The following CSMD1 variants were observed in gnomAD, a reference collection of about 807,000 sequenced individuals.
CSMD1 encodes the protein CUB and sushi domain-containing protein 1.
Under a neutral mutation model 417.5 loss-of-function variants are expected in CSMD1, and 213 were observed. The ratio of observed to expected loss-of-function variants is 0.51; its 90% CI spans 0.46 to 0.57. The LOEUF is 0.57. CSMD1 is among the 20% of genes least tolerant of loss of function. CSMD1 has a pLI of 0.00. For synonymous variants in CSMD1, 2,862 were observed against 1,736.8 expected, an observed-to-expected ratio of 1.65 and a Z score of -16.11; for missense variants, 6,923 against 4,529.7, an observed-to-expected ratio of 1.53 and a Z score of -15.17.
At chr8:4,918,518 C>T (rs1191291543) in intron 1 of CSMD1, among the ~76,000 whole-genome samples, 2 of 151,544 alleles carry the variant, frequency 1.3e-5, no homozygotes, top group Admixed American at 6.6e-5. Flanking sequence ...AGAAAAAGGA[C>T]AGGGATATAA....
intron 12 of CSMD1, among the ~76,000 whole-genome samples, chr8:3,455,906 G>T (rs1015307416): frequency 6.6e-6 from 1 of 152,228 alleles, no homozygotes; most frequent in Non-Finnish European, 1.5e-5. Context: ...CCTGCCCCCA[G>T]AGGTGGAGTC....
intron 62 of CSMD1, among the ~76,000 whole-genome samples, chr8:2,960,201 A>G (rs1181893352): frequency 6.6e-6 from 1 of 152,208 alleles, no homozygotes; most frequent in East Asian, 1.9e-4. Context: ...TATATACCTG[A>G]AAGTATTTAC....
intron 25 of CSMD1, among the ~76,000 whole-genome samples, chr8:3,287,321 T>A (rs1476126312): frequency 1.3e-5 from 2 of 152,110 alleles, no homozygotes; most frequent in Non-Finnish European, 2.9e-5. Flanking sequence ...TAAAGTAGTT[T>A]TTTCTAATTC....
intron 2 of CSMD1, among the ~76,000 whole-genome samples, chr8:4,482,570 C>A (rs867785958): frequency 6.6e-6 from 1 of 152,286 alleles, no homozygotes; most frequent in Middle Eastern, 3.4e-3. Flanking sequence ...GTGCACGTGT[C>A]TTTGTGGTAG....
intron 3 of CSMD1, among the ~76,000 whole-genome samples, chr8:4,351,393 T>C (rs943057038): frequency 6.6e-6 from 1 of 152,236 alleles, no homozygotes; most frequent in Non-Finnish European, 1.5e-5. Context: ...TCTCGTCTCA[T>C]AGCCCATGCT....
chr8:4,120,257 G>C (rs1002917628), intron 3 of CSMD1, among the ~76,000 whole-genome samples: 6 of 151,664 alleles, frequency 4.0e-5, no homozygotes, highest in Admixed American at 1.3e-4. Flanking sequence ...GCATAAAAAG[G>C]ATTTGGGGTA....
chr8:3,062,541 A>C (rs938672530), intron 49 of CSMD1, among the ~76,000 whole-genome samples: 1 of 146,546 alleles, frequency 6.8e-6, no homozygotes, highest in Admixed American at 7.0e-5. Context: ...AAAAACAACA[A>C]CAAAACAAAA....
chr8:4,587,054 T>A (rs1358477412), intron 2 of CSMD1, among the ~76,000 whole-genome samples: 1 of 152,208 alleles, frequency 6.6e-6, no homozygotes, highest in Non-Finnish European at 1.5e-5. Flanking sequence ...TTTCATCTCT[T>A]TTAATCCATG....
chr8:3,785,415 G>A (rs1353352219), intron 5 of CSMD1, among the ~76,000 whole-genome samples: 2 of 152,178 alleles, frequency 1.3e-5, no homozygotes, highest in African/African-American at 4.8e-5. Flanking sequence ...TGAGAGGTCA[G>A]GCTAAGCAGC....
chr8:4,207,407 A>T (rs1038619084), intron 3 of CSMD1, among the ~76,000 whole-genome samples: 1 of 152,192 alleles, frequency 6.6e-6, no homozygotes, highest in African/African-American at 2.4e-5. Context: ...TAATAAGCAA[A>T]TCATATTTTG....
intron 5 of CSMD1, among the ~76,000 whole-genome samples, chr8:3,908,679 A>C (rs1322318476): frequency 4.0e-5 from 6 of 150,072 alleles, no homozygotes; most frequent in Admixed American, 2.0e-4. Flanking sequence ...CAATAACATG[A>C]AACAACTCTG....
Position 4,369,158 on chromosome 8 carries a change from C to G in CSMD1, c.415+50795G>C, listed in dbSNP as rs116710111. Among the ~76,000 whole-genome samples, 18 of 152,200 alleles carry G rather than the reference C, an allele frequency of 1.2e-4. 1 individual carries two copies. The highest frequency in any genetic ancestry group is 8.5e-4 in the Admixed American group (13 of 15,282). On this transcript the variant is annotated intron_variant, in intron 3 of 69. Transcript: ENST00000635120. Reference sequence around the variant, plus strand: ...CTGGTATTTTGTGTCTCCATTTTCACTGGTTTCAAAAACTTTTTTTGATTT... The same window carrying G: ...CTGGTATTTTGTGTCTCCATTTTCAGTGGTTTCAAAAACTTTTTTTGATTT...
chr8:4,199,354 C>T (rs894760833), intron 3 of CSMD1, among the ~76,000 whole-genome samples: 10 of 152,118 alleles, frequency 6.6e-5, no homozygotes, highest in Admixed American at 3.9e-4. Flanking sequence ...CTCTAAAGCA[C>T]ATAGATGCTT....
chr8:4,426,792 A>G (rs996164765), intron 2 of CSMD1, among the ~76,000 whole-genome samples: 14 of 148,900 alleles, frequency 9.4e-5, no homozygotes, highest in African/African-American at 3.4e-4. Context: ...ATATTATATA[A>G]TATAGAAATA....
At chr8:3,749,903 T>C (rs1026662956) in intron 6 of CSMD1, among the ~76,000 whole-genome samples, 6 of 152,182 alleles carry the variant, frequency 3.9e-5, no homozygotes, top group African/African-American at 1.2e-4. Context: ...TCTGTACCTA[T>C]TGTGTGTAGC....
At chr8:4,885,375 C>T (rs938772643) in intron 1 of CSMD1, among the ~76,000 whole-genome samples, 6 of 151,946 alleles carry the variant, frequency 3.9e-5, no homozygotes, top group Non-Finnish European at 8.8e-5. Context: ...CAATGTTGAA[C>T]AGAAGTACCA....
intron 2 of CSMD1, among the ~76,000 whole-genome samples, chr8:4,463,815 CTG>C (rs1241289280): frequency 6.6e-6 from 1 of 152,066 alleles, no homozygotes; most frequent in Non-Finnish European, 1.5e-5. Context: ...CCAAAAATAA[CTG>C]TGGTGATGAA....
At chr8:3,873,071 G>A (rs564485306) in intron 5 of CSMD1, among the ~76,000 whole-genome samples, 2 of 152,110 alleles carry the variant, frequency 1.3e-5, no homozygotes, top group East Asian at 3.9e-4. Context: ...TGGCAAGGTT[G>A]CAGATAAAAT....
intron 1 of CSMD1, among the ~76,000 whole-genome samples, chr8:4,648,617 A>G (rs1396579632): frequency 6.6e-6 from 1 of 152,202 alleles, no homozygotes; most frequent in East Asian, 1.9e-4. Flanking sequence ...CATGGATAAA[A>G]TCATGATGCA....
Sources: allele counts gnomAD v4.1 joint callset (sites outside exome capture counted in the v4.1 genomes callset), GRCh38; gene constraint gnomAD v4.1.1; transcripts MANE v1.5; gene names NCBI Gene and HGNC (gene_info 2026-07-23, HGNC 2026-07-21).